Variants in C3orf18 observed in about 807,000 individuals in gnomAD.
The protein encoded by C3orf18 is chromosome 3 open reading frame 18, also known as uncharacterized protein C3orf18.
A neutral mutation model predicts 14.1 loss-of-function variants in C3orf18; 12 were observed. The ratio of observed to expected loss-of-function variants is 0.85; its 90% CI spans 0.55 to 1.38. C3orf18 has a LOEUF of 1.38. C3orf18 is among the 40% of genes most tolerant of loss of function. The pLI is 0.00. For missense variants in C3orf18, 196 were observed against 213.9 expected (o/e 0.92, Z 0.52); for synonymous variants, 82 against 87.9 (o/e 0.93, Z 0.38).
upstream of C3orf18, among the ~76,000 whole-genome samples, chr3:50,568,469 T>C (rs141115543): frequency 1.4e-3 from 213 of 152,274 alleles, no homozygotes; most frequent in African/African-American, 4.8e-3. Context: ...GGCTCACTCC[T>C]GTAATCCCAG....
upstream of C3orf18, chr3:50,570,326 A>G (rs140596202): frequency 6.6e-6 from 1 of 152,372 alleles, no homozygotes; most frequent in East Asian, 1.9e-4. Context: ...CTTTAAATAT[A>G]CAATTGTAAA....
Position 50,558,920 on chromosome 3 carries a change from T to G in C3orf18, c.*737A>C. ...ACATGTCTGCCCATGGGCACACTCA[T>G]GCACATGCATGAGGCCTCTCGGCAG... On this transcript the variant is annotated 3_prime_UTR_variant, in exon 6 of 6. Transcript: ENST00000357203. 1.6e-6 allele frequency: 2 copies of G among 1,288,676 alleles called. No individual in the cohort carries two copies. Among genetic ancestry groups the G allele is most frequent in the Non-Finnish European group, 2.0e-6 (2 of 987,984 alleles). The allele number at this position is 1,288,676 out of a possible 1,614,324, so 79.8% of individuals were successfully genotyped here.
chr3:50,561,881 A>T, intron 3 of C3orf18, 134 bp from the exon 4 acceptor site: 1 of 757,634 alleles, frequency 1.3e-6, no homozygotes, highest in Non-Finnish European at 2.2e-6. Context: ...CACATACACC[A>T]CTCCCCCTTC....
In C3orf18 at chr3:50,565,931, G is replaced by C; in HGVS notation, c.-162-70C>G. 1.8e-6 allele frequency: 1 copy of C among 560,542 alleles called. No homozygotes were observed. Among genetic ancestry groups the C allele is most frequent in the Non-Finnish European group, 3.2e-6 (1 of 314,032 alleles). The allele number at this position is 560,542 out of a possible 1,614,324, so 34.7% of individuals were successfully genotyped here. On this transcript the variant is annotated intron_variant, in intron 2 of 5. Coordinates refer to ENST00000357203, the MANE Select transcript of C3orf18 (RefSeq NM_016210.5). The surrounding 1 kb of genome is among the most constrained non-coding windows in gnomAD (Gnocchi z 4.4). ...CAGTAGTGAGATGAAGTCTCTCTAGGTTCTGAAAGCACTGGGGAGGTAAAG... is the reference window on the plus strand; with the variant it reads ...CAGTAGTGAGATGAAGTCTCTCTAGCTTCTGAAAGCACTGGGGAGGTAAAG...
At chr3:50,571,499 G>A (rs914095674), upstream of C3orf18, 2 of 672,134 alleles carry the variant, frequency 3.0e-6, no homozygotes, top group Non-Finnish European at 5.1e-6. Flanking sequence ...TTGGATGAAT[G>A]AATATATCTC....
At chr3:50,560,278 G>T (rs1314531418) in intron 5 of C3orf18, among the ~76,000 whole-genome samples, 14 of 152,238 alleles carry the variant, frequency 9.2e-5, no homozygotes, top group Non-Finnish European at 1.6e-4. Context: ...CCTGCTCATG[G>T]TGCTCTGGCC....
intron 3 of C3orf18, among the ~76,000 whole-genome samples, chr3:50,564,633 C>T (rs1424317616): frequency 3.9e-5 from 6 of 152,294 alleles, no homozygotes; most frequent in African/African-American, 7.2e-5. Flanking sequence ...CCTGTAAGAA[C>T]CACAGGGCAG....
At chr3:50,572,063 C>T (rs2107391072), upstream of C3orf18, 3 of 1,610,354 alleles carry the variant, frequency 1.9e-6, no homozygotes, top group East Asian at 2.2e-5. Flanking sequence ...CAGGCATGGT[C>T]CTGTTGGTCC....
intron 1 of C3orf18, among the ~76,000 whole-genome samples, chr3:50,566,625 T>C (rs568452230): frequency 2.0e-5 from 3 of 151,620 alleles, no homozygotes; most frequent in South Asian, 4.2e-4. Context: ...TGGAGGCTGA[T>C]GTGGAAAGAC....
chr3:50,565,342 G>T lies in C3orf18; in HGVS notation c.234+124C>A. ...AGATCAAGCCATTGCACTCCAGCCT[G>T]CATGACAGAGCAAGACTCTGTCTCA... On this transcript the variant is annotated intron_variant, in intron 3 of 5. Coordinates refer to ENST00000357203, the MANE Select transcript of C3orf18 (RefSeq NM_016210.5). This position sits in a 1 kb window ranked among gnomAD's most constrained non-coding sequence, Gnocchi z 4.4. The T allele has an allele frequency of 1.3e-6, 1 of 764,428 alleles. No homozygotes were observed. Among genetic ancestry groups the T allele is most frequent in the Non-Finnish European group, 2.2e-6 (1 of 462,960 alleles). 47.4% of individuals were successfully genotyped at this position (764,428 alleles called of 1,614,324 possible). A position where few individuals can be genotyped will look rare whatever the true frequency, so the allele number is the denominator to read the frequency against.
At chr3:50,568,981 C>T (rs914556458), upstream of C3orf18, among the ~76,000 whole-genome samples, 4 of 152,202 alleles carry the variant, frequency 2.6e-5, no homozygotes, top group Non-Finnish European at 4.4e-5. Flanking sequence ...TGGGCTCGGG[C>T]CACTGACCTC....
rs1249304214 is a variant in C3orf18, at chr3:50,559,617, G to T, written c.*40C>A. The T allele has an allele frequency of 6.6e-7, 1 of 1,514,630 alleles. No individual in the cohort carries two copies. Among genetic ancestry groups the T allele is most frequent in the East Asian group, 2.5e-5 (1 of 40,360 alleles). The allele number at this position is 1,514,630 out of a possible 1,614,324, so 93.8% of individuals were successfully genotyped here. A position where few individuals can be genotyped will look rare whatever the true frequency, so the allele number is the denominator to read the frequency against. On this transcript the variant is annotated 3_prime_UTR_variant, in exon 6 of 6. Coordinates refer to ENST00000357203, the MANE Select transcript of C3orf18 (RefSeq NM_016210.5). ...GAGTGGGGAGCTCTGTAGGCACCGTGATGGGTCTCTATCAGAAGTCCAGGC... is the reference window on the plus strand; with the variant it reads ...GAGTGGGGAGCTCTGTAGGCACCGTTATGGGTCTCTATCAGAAGTCCAGGC...
chr3:50,569,127 C>A (rs1700594502), upstream of C3orf18: 1 of 152,360 alleles, frequency 6.6e-6, no homozygotes, highest in South Asian at 2.1e-4. Context: ...CGCCGGAACA[C>A]CCGGGCCCTC....
rs1018725848 is a variant in C3orf18, at chr3:50,567,675, G to C, written c.-464C>G. 6.6e-6 allele frequency: 1 copy of C among 152,290 alleles called. No individual in the cohort carries two copies. Among genetic ancestry groups the C allele is most frequent in the South Asian group, 2.1e-4 (1 of 4,836 alleles). The allele number at this position is 152,290 out of a possible 1,614,324, so 9.4% of individuals were successfully genotyped here. ...GCTGGCTCTGCCGGCCTGAGCTAGG[G>C]TGGGTAGGGCCGGGACCCACGGCGG... On this transcript the variant is annotated 5_prime_UTR_variant, in exon 1 of 6. Transcript: ENST00000357203.
At chr3:50,561,467 C>T (rs1418820202) in intron 4 of C3orf18, among the ~76,000 whole-genome samples, 2 of 152,192 alleles carry the variant, frequency 1.3e-5, no homozygotes, top group Admixed American at 6.5e-5. Context: ...CAGCCTTCCC[C>T]CTCCCTGCCA....
upstream of C3orf18, chr3:50,570,878 A>AG (rs939397287): frequency 1.0e-4 from 45 of 444,970 alleles, no homozygotes; most frequent in Admixed American, 7.0e-4. Context: ...TATTGGTAGA[A>AG]GGGGGGGTGT....
At position 50,565,960 on chromosome 3, in the gene C3orf18, T is replaced by C; in HGVS notation, c.-163+46A>G. On this transcript the variant is annotated intron_variant, in intron 2 of 5. Transcript: ENST00000357203. The surrounding 1 kb of genome is among the most constrained non-coding windows in gnomAD (Gnocchi z 4.4). ...TGAAAGCACTGGGGAGGTAAAGGTT[T>C]GAGGGCAAGAATGAGGGTAAGTTCA... The C allele has an allele frequency of 1.9e-6, 1 of 517,542 alleles. No homozygotes were observed. Among genetic ancestry groups the C allele is most frequent in the Non-Finnish European group, 3.5e-6 (1 of 288,282 alleles). The allele number at this position is 517,542 out of a possible 1,614,324, so 32.1% of individuals were successfully genotyped here.
chr3:50,561,688 T>G, intron 4 of C3orf18, 34 bp downstream of exon 4: 1 of 1,610,260 alleles, frequency 6.2e-7, no homozygotes, highest in Non-Finnish European at 8.5e-7. Context: ...GGCCTCAAGT[T>G]TTGGGTGGGA....
intron 3 of C3orf18, chr3:50,562,732 G>A (rs1700064047): frequency 2.8e-6 from 1 of 351,202 alleles, no homozygotes; most frequent in East Asian, 7.9e-5. Flanking sequence ...AGGTAGGGGT[G>A]GGGGACTGGA....
Sources: gnomAD v4.1 joint callset for allele counts (sites outside exome capture counted in the v4.1 genomes callset) on GRCh38, gnomAD v4.1.1 for gene constraint, Gnocchi (gnomAD v3.1) non-coding constraint, MANE v1.5 for transcripts, NCBI Gene and HGNC (gene_info 2026-07-23, HGNC 2026-07-21) for gene names.